The following LGSN variants were observed in gnomAD, a reference collection of about 807,000 sequenced individuals.
The protein encoded by LGSN is lengsin.
Under a neutral mutation model 19.5 loss-of-function variants are expected in LGSN, and 21 were observed. The observed-to-expected ratio is 1.07, with a 90% CI of 0.76 to 1.55. The LOEUF (loss-of-function observed/expected upper bound fraction) is 1.55, where lower values mean the gene tolerates loss of function less well. LGSN is among the 40% of genes most tolerant of loss of function. The pLI, the probability that LGSN is intolerant of heterozygous loss-of-function variation, is 0.00. For missense variants in LGSN, 673 were observed against 608.5 expected, an observed-to-expected ratio of 1.11 and a Z score of -1.12; for synonymous variants, 257 against 215.6, an observed-to-expected ratio of 1.19 and a Z score of -1.68.
At chr6:63,336,932 C>T in the LGSN span, among the ~76,000 whole-genome samples, 390 of 138,772 alleles carry the variant, frequency 2.8e-3, 3 homozygotes, top group African/African-American at 9.9e-3. Context: ...CTTTTCTTTT[C>T]TTTTTTTTTG....
the LGSN span, among the ~76,000 whole-genome samples, chr6:63,415,432 A>G: frequency 6.6e-6 from 1 of 152,246 alleles, no homozygotes; most frequent in African/African-American, 2.4e-5. Context: ...ACTTACAATT[A>G]TAGTGGAAGG....
chr6:63,351,323 A>C, the LGSN span, among the ~76,000 whole-genome samples: 4 of 152,120 alleles, frequency 2.6e-5, no homozygotes, highest in Admixed American at 6.6e-5. Context: ...GCCTGAAAAG[A>C]TTAAGACAAA....
chr6:63,401,046 T>C, the LGSN span, among the ~76,000 whole-genome samples: 4 of 152,164 alleles, frequency 2.6e-5, no homozygotes, highest in Non-Finnish European at 5.9e-5. Flanking sequence ...CCCATTATTA[T>C]AATATAATTT....
chr6:63,413,534 T>A, the LGSN span, among the ~76,000 whole-genome samples: 1 of 152,180 alleles, frequency 6.6e-6, no homozygotes, highest in African/African-American at 2.4e-5. Context: ...AGTGGATCAT[T>A]GGGCTAGAAA....
the LGSN span, among the ~76,000 whole-genome samples, chr6:63,348,196 T>C: frequency 6.6e-6 from 1 of 152,062 alleles, no homozygotes; most frequent in African/African-American, 2.4e-5. Context: ...AACAGACTAA[T>C]ATAAAAGTAT....
At chr6:63,525,614 T>A in the LGSN span, among the ~76,000 whole-genome samples, 1 of 152,202 alleles carries the variant, frequency 6.6e-6, no homozygotes, top group Admixed American at 6.6e-5. Flanking sequence ...ACCAGTGCCA[T>A]CCAGGCAGCT....
chr6:63,500,874 C>T, the LGSN span, among the ~76,000 whole-genome samples: 1 of 152,002 alleles, frequency 6.6e-6, no homozygotes, highest in East Asian at 2.0e-4. Context: ...ATTAGAGGCA[C>T]GTGCCACCAG....
the LGSN span, among the ~76,000 whole-genome samples, chr6:63,514,029 A>G: frequency 3.3e-5 from 5 of 152,120 alleles, no homozygotes; most frequent in African/African-American, 1.2e-4. Flanking sequence ...ATAAATACAA[A>G]TGAATAATAT....
intron 1 of LGSN, among the ~76,000 whole-genome samples, chr6:63,299,587 T>C (rs1768106581): frequency 6.6e-6 from 1 of 152,186 alleles, no homozygotes; most frequent in Admixed American, 6.5e-5. Context: ...AAACAGGTAA[T>C]TGGAATATTG....
the LGSN span, among the ~76,000 whole-genome samples, chr6:63,484,742 A>G: frequency 6.6e-6 from 1 of 152,246 alleles, no homozygotes; most frequent in Non-Finnish European, 1.5e-5. Flanking sequence ...AAGAGAATAT[A>G]CCCAAAGCAT....
chr6:63,449,694 AT>A, the LGSN span, among the ~76,000 whole-genome samples: 2 of 152,182 alleles, frequency 1.3e-5, no homozygotes, highest in South Asian at 2.1e-4. Context: ...GAAAACAAAA[AT>A]GAGTATCTGA....
chr6:63,465,527 G>T, the LGSN span, among the ~76,000 whole-genome samples: 2 of 152,230 alleles, frequency 1.3e-5, no homozygotes, highest in Admixed American at 6.5e-5. Context: ...CATTTTAGTA[G>T]CTTGAAGGTG....
chr6:63,412,058 T>G, the LGSN span, among the ~76,000 whole-genome samples: 1 of 152,144 alleles, frequency 6.6e-6, no homozygotes, highest in Admixed American at 6.6e-5. Flanking sequence ...TTTTCAGGAT[T>G]GTTTTTAGAG....
chr6:63,323,349 A>C (rs1769132291), upstream of LGSN, among the ~76,000 whole-genome samples: 2 of 152,156 alleles, frequency 1.3e-5, no homozygotes, highest in South Asian at 2.1e-4. Flanking sequence ...TCACCGGAAT[A>C]GTATACATTG....
At chr6:63,551,970 CTT>C in the LGSN span, among the ~76,000 whole-genome samples, 1 of 152,208 alleles carries the variant, frequency 6.6e-6, no homozygotes, top group Non-Finnish European at 1.5e-5. Flanking sequence ...GGTTCCAAGT[CTT>C]TGCTATTGTG....
upstream of LGSN, among the ~76,000 whole-genome samples, chr6:63,323,947 A>AT (rs2127400492): frequency 6.6e-6 from 1 of 151,992 alleles, no homozygotes; most frequent in East Asian, 1.9e-4. Context: ...AACTTTTAGT[A>AT]TTTTTAGTAG....
upstream of LGSN, among the ~76,000 whole-genome samples, chr6:63,323,557 T>TAC (rs1405899851): frequency 5.5e-3 from 528 of 96,242 alleles, 5 homozygotes; most frequent in African/African-American, 0.018. Flanking sequence ...CAAAACCTCA[T>TAC]ATACACACAC....
the LGSN span, among the ~76,000 whole-genome samples, chr6:63,432,145 GAAA>G: frequency 2.1e-4 from 23 of 108,268 alleles, 1 homozygote; most frequent in Admixed American, 6.5e-4. Flanking sequence ...AAGAAAGAAA[GAAA>G]GAAAGAAAGA....
At chr6:63,383,750 G>T in the LGSN span, among the ~76,000 whole-genome samples, 3 of 151,536 alleles carry the variant, frequency 2.0e-5, no homozygotes, top group Admixed American at 2.0e-4. Context: ...TCACTGAGTT[G>T]TCTTATTTAA....
Sources: allele counts gnomAD v4.1 joint callset (sites outside exome capture counted in the v4.1 genomes callset), GRCh38; gene constraint gnomAD v4.1.1; transcripts MANE v1.5; gene names NCBI Gene and HGNC (gene_info 2026-07-23, HGNC 2026-07-21).